The following ROBO1 variants were observed in gnomAD, a reference collection of about 807,000 sequenced individuals.
ROBO1 encodes roundabout homolog 1.
ROBO1 carries 149 observed loss-of-function variants against 195.9 expected under a neutral mutation model. That is an observed-to-expected ratio of 0.76 (90% CI 0.67 to 0.87). The LOEUF is 0.87. Among genes scored for constraint, ROBO1 ranks in the 40% least tolerant of loss-of-function variants. ROBO1 has a pLI of 0.00. For synonymous variants in ROBO1, 816 were observed against 733.2 expected (o/e 1.11, Z -1.82); for missense variants, 1,933 against 2,068.3 (o/e 0.93, Z 1.27).
intron 3 of ROBO1, among the ~76,000 whole-genome samples, chr3:78,952,339 G>A (rs2040833791): frequency 6.7e-6 from 1 of 149,972 alleles, no homozygotes; most frequent in African/African-American, 2.4e-5. Context: ...TGTCCAAGGT[G>A]GGGACAGGGA....
intron 26 of ROBO1, among the ~76,000 whole-genome samples, chr3:78,620,035 T>C (rs1291751452): frequency 7.0e-6 from 1 of 143,330 alleles, no homozygotes; most frequent in East Asian, 2.1e-4. Flanking sequence ...AAAAAAAAAA[T>C]TAATTACATG....
At chr3:79,544,237 G>A (rs542081263) in intron 2 of ROBO1, among the ~76,000 whole-genome samples, 2 of 151,728 alleles carry the variant, frequency 1.3e-5, no homozygotes, top group African/African-American at 2.4e-5. Context: ...TTTCAGGGCC[G>A]CTAATCTACA....
At chr3:79,750,443 C>T (rs1287353647) in intron 1 of ROBO1, among the ~76,000 whole-genome samples, 1 of 152,138 alleles carries the variant, frequency 6.6e-6, no homozygotes, top group Non-Finnish European at 1.5e-5. Context: ...AATGTGAGGA[C>T]ATGAGATTTG....
At chr3:78,991,212 A>G (rs1206907428) in intron 3 of ROBO1, among the ~76,000 whole-genome samples, 1 of 152,186 alleles carries the variant, frequency 6.6e-6, no homozygotes, top group African/African-American at 2.4e-5. Flanking sequence ...CTGAGATGGA[A>G]AAACAATTGG....
At chr3:78,696,417 A>G (rs956482219) in intron 8 of ROBO1, among the ~76,000 whole-genome samples, 2 of 152,060 alleles carry the variant, frequency 1.3e-5, no homozygotes, top group Non-Finnish European at 2.9e-5. Context: ...GAAAACCTAA[A>G]TTGTTAAAGA....
chr3:79,335,107 G>T (rs960836519), intron 2 of ROBO1, among the ~76,000 whole-genome samples: 3 of 151,886 alleles, frequency 2.0e-5, no homozygotes, highest in African/African-American at 7.3e-5. Flanking sequence ...ACAGAGCAAG[G>T]CTCCATAAAA....
At position 78,876,057 on chromosome 3, in the gene ROBO1, T is replaced by G. The variant is rs140447629; in HGVS notation, c.499+62544A>C. On this transcript the variant is annotated intron_variant, in intron 4 of 30. Coordinates refer to ENST00000464233, the MANE Select transcript of ROBO1 (RefSeq NM_002941.4). The stretch of plus-strand genomic sequence containing the variant: ...CACATTATAAGAACAGTAAAATGAC[T>G]AGAGAACACAAAGTGCCAGGAATAG... 1.9e-3 allele frequency among the ~76,000 whole-genome samples: 289 copies of G among 151,966 alleles called. 2 individuals carry two copies. The highest frequency in any genetic ancestry group is 5.6e-3 in the African/African-American group (233 of 41,414).
intron 2 of ROBO1, among the ~76,000 whole-genome samples, chr3:79,325,826 G>C (rs1465680017): frequency 6.6e-6 from 1 of 152,174 alleles, no homozygotes; most frequent in East Asian, 1.9e-4. Context: ...CAATGTTTAG[G>C]AAACAAGAGA....
intron 23 of ROBO1, among the ~76,000 whole-genome samples, chr3:78,635,516 C>T (rs766713622): frequency 3.3e-5 from 5 of 151,982 alleles, no homozygotes; most frequent in African/African-American, 7.3e-5. Flanking sequence ...CGTCCCAATC[C>T]CTCACCTGCT....
intron 2 of ROBO1, among the ~76,000 whole-genome samples, chr3:79,317,047 T>C (rs928355346): frequency 6.6e-6 from 1 of 152,182 alleles, no homozygotes; most frequent in Non-Finnish European, 1.5e-5. Flanking sequence ...TTTATAAAAA[T>C]GTGTTTTGTC....
intron 1 of ROBO1, among the ~76,000 whole-genome samples, chr3:79,688,808 A>G (rs968477655): frequency 6.6e-6 from 1 of 151,970 alleles, no homozygotes; most frequent in Non-Finnish European, 1.5e-5. Context: ...ATTTACTTCT[A>G]TTTCTAACTT....
At chr3:79,676,285 C>T (rs1259490583) in intron 1 of ROBO1, among the ~76,000 whole-genome samples, 1 of 152,032 alleles carries the variant, frequency 6.6e-6, no homozygotes, top group African/African-American at 2.4e-5. Flanking sequence ...ATTAATGAAA[C>T]TAATACATAT....
At chr3:79,347,053 T>C (rs1559834795) in intron 2 of ROBO1, among the ~76,000 whole-genome samples, 2 of 152,054 alleles carry the variant, frequency 1.3e-5, no homozygotes, top group Non-Finnish European at 2.9e-5. Context: ...TAGTTACTTA[T>C]AAAAAAATTG....
chr3:78,598,238 C>T lies in ROBO1; in HGVS notation c.*675G>A, dbSNP rs2107196134. 1 of 152,406 alleles carries T rather than the reference C, an allele frequency of 6.6e-6. No individual in the cohort carries two copies. The highest frequency in any genetic ancestry group is 6.5e-5 in the Admixed American group (1 of 15,290). 9.4% of individuals were successfully genotyped at this position (152,406 alleles called of 1,614,324 possible). A position where few individuals can be genotyped will look rare whatever the true frequency, so the allele number is the denominator to read the frequency against. Reference sequence around the variant, plus strand: ...ATCCAACTGGCTTAGCCCTACTTATCCAAAAGTACATTTCCAATAAGAATA... The same window carrying T: ...ATCCAACTGGCTTAGCCCTACTTATTCAAAAGTACATTTCCAATAAGAATA... On this transcript the variant is annotated 3_prime_UTR_variant, in exon 31 of 31. Coordinates refer to ENST00000464233, the MANE Select transcript of ROBO1 (RefSeq NM_002941.4).
chr3:79,054,379 A>G (rs1049924761), intron 3 of ROBO1, among the ~76,000 whole-genome samples: 4 of 152,130 alleles, frequency 2.6e-5, no homozygotes, highest in Non-Finnish European at 4.4e-5. Flanking sequence ...GTCTCTGATG[A>G]GAGTGCTCAA....
intron 2 of ROBO1, among the ~76,000 whole-genome samples, chr3:79,411,732 T>C (rs2037773191): frequency 6.6e-6 from 1 of 152,176 alleles, no homozygotes; most frequent in Non-Finnish European, 1.5e-5. Flanking sequence ...ATTGCAGATG[T>C]GTGGAGCTTA....
chr3:78,927,811 G>A (rs2039301883), intron 4 of ROBO1, among the ~76,000 whole-genome samples: 1 of 152,128 alleles, frequency 6.6e-6, no homozygotes, highest in African/African-American at 2.4e-5. Context: ...ACTAACCCAG[G>A]AGAAAGAAAG....
intron 3 of ROBO1, among the ~76,000 whole-genome samples, chr3:79,000,890 G>C (rs1260954308): frequency 6.6e-6 from 1 of 152,134 alleles, no homozygotes; most frequent in East Asian, 1.9e-4. Context: ...ATCAATGATA[G>C]ACTGGATAAA....
chr3:78,718,599 T>C (rs993158459), intron 5 of ROBO1, among the ~76,000 whole-genome samples: 2 of 152,028 alleles, frequency 1.3e-5, no homozygotes, highest in Non-Finnish European at 2.9e-5. Flanking sequence ...AGAAGTCGAC[T>C]GAAACTAAAC....
Sources: gnomAD v4.1 joint callset for allele counts (sites outside exome capture counted in the v4.1 genomes callset) on GRCh38, gnomAD v4.1.1 for gene constraint, MANE v1.5 for transcripts, NCBI Gene and HGNC (gene_info 2026-07-23, HGNC 2026-07-21) for gene names.